Variants in FREM2 observed in about 807,000 individuals in gnomAD.
The protein encoded by FREM2 is FRAS1 related extracellular matrix 2, also known as FRAS1-related extracellular matrix protein 2.
FREM2 carries 119 observed loss-of-function variants against 219.9 expected under a neutral mutation model. The ratio of observed to expected loss-of-function variants is 0.54; its 90% confidence interval spans 0.47 to 0.63. FREM2 has a LOEUF of 0.63. FREM2 is among the 30% of genes least tolerant of loss of function. FREM2 has a pLI of 0.00. For synonymous variants in FREM2, 1,562 were observed against 1,522.8 expected, an observed-to-expected ratio of 1.03 and a Z score of -0.60; for missense variants, 4,030 against 3,993.6, an observed-to-expected ratio of 1.01 and a Z score of -0.25.
intron 2 of FREM2, among the ~76,000 whole-genome samples, chr13:38,723,799 A>G (rs566924019): frequency 6.6e-6 from 1 of 152,210 alleles, no homozygotes; most frequent in Non-Finnish European, 1.5e-5. Flanking sequence ...GAATCTAGGC[A>G]CTGCTCCAAG....
intron 6 of FREM2, among the ~76,000 whole-genome samples, chr13:38,818,567 AG>A (rs1407955521): frequency 1.3e-5 from 2 of 152,138 alleles, no homozygotes; most frequent in Non-Finnish European, 2.9e-5. Flanking sequence ...AGATGGAGAA[AG>A]GTTGATTAAT....
At position 38,687,143 on chromosome 13, in the gene FREM2, G is replaced by A; in HGVS notation, c.-202G>A. On this transcript the variant is annotated 5_prime_UTR_variant, in exon 1 of 24. Coordinates refer to ENST00000280481, the MANE Select transcript of FREM2 (RefSeq NM_207361.6). ...GCGGCGGAGCTGGACGGCCTGGGAA[G>A]GCTTCGGCTCCTCGGCTGCGGCTCC... 1 of 665,242 alleles carries A rather than the reference G, an allele frequency of 1.5e-6. No individual in the cohort carries two copies. The highest frequency in any genetic ancestry group is 2.6e-6 in the Non-Finnish European group (1 of 391,540). 41.2% of individuals were successfully genotyped at this position (665,242 alleles called of 1,614,324 possible). A position where few individuals can be genotyped will look rare whatever the true frequency, so the allele number is the denominator to read the frequency against.
chr13:38,783,482 A>G (rs1348768838), intron 5 of FREM2, among the ~76,000 whole-genome samples: 1 of 151,474 alleles, frequency 6.6e-6, no homozygotes, highest in Non-Finnish European at 1.5e-5. Flanking sequence ...ATAAAAAAAA[A>G]AAAAAAAAAA....
At chr13:38,812,194 T>A (rs1011010768) in intron 6 of FREM2, among the ~76,000 whole-genome samples, 4 of 152,200 alleles carry the variant, frequency 2.6e-5, no homozygotes, top group African/African-American at 9.6e-5. Flanking sequence ...TCTTTATAAG[T>A]GAAGTATGTT....
intron 6 of FREM2, among the ~76,000 whole-genome samples, chr13:38,789,296 T>A (rs948949700): frequency 7.2e-5 from 11 of 151,984 alleles, no homozygotes; most frequent in Non-Finnish European, 1.5e-4. Flanking sequence ...TTAAGTTTTA[T>A]TAATGTATTT....
chr13:38,749,082 G>A (rs142441047), intron 2 of FREM2, among the ~76,000 whole-genome samples: 2 of 152,090 alleles, frequency 1.3e-5, no homozygotes, highest in African/African-American at 4.8e-5. Context: ...TTGTGTTCTC[G>A]GCTCTAACAT....
At chr13:38,852,727 CAG>C (rs1469065985) in intron 11 of FREM2, among the ~76,000 whole-genome samples, 2 of 139,114 alleles carry the variant, frequency 1.4e-5, no homozygotes, top group South Asian at 2.3e-4. Context: ...TTTTTTGAGA[CAG>C]AGTCTCACGC....
intron 2 of FREM2, among the ~76,000 whole-genome samples, chr13:38,763,326 G>A (rs1001828777): frequency 1.3e-5 from 2 of 151,400 alleles, no homozygotes; most frequent in Non-Finnish European, 2.9e-5. Context: ...CTCACTCAGC[G>A]TTTTCCCTTG....
chr13:38,713,826 G>A (rs895432733), intron 2 of FREM2, among the ~76,000 whole-genome samples: 1 of 152,136 alleles, frequency 6.6e-6, no homozygotes, highest in Non-Finnish European at 1.5e-5. Context: ...GTTCTCAACT[G>A]TCCCTTCCCA....
At chr13:38,849,425 GAC>G (rs1289911588) in intron 8 of FREM2, among the ~76,000 whole-genome samples, 2 of 152,040 alleles carry the variant, frequency 1.3e-5, no homozygotes, top group African/African-American at 4.8e-5. Context: ...CCTTCCCCTA[GAC>G]ACTCATCAAA....
At chr13:38,853,774 G>C (rs1285740746) in intron 11 of FREM2, among the ~76,000 whole-genome samples, 2 of 152,160 alleles carry the variant, frequency 1.3e-5, no homozygotes, top group Non-Finnish European at 2.9e-5. Context: ...AAACAAAACT[G>C]ATTAGCTACT....
In FREM2 at chr13:38,794,690, ATC is replaced by A. The variant is rs1352907260; in HGVS notation, c.6019+9884_6019+9885del. ...TAATAAATTGATATCTTGATGTTTT[ATC>A]TGTCATGCATATTGTTTATACATGA... On this transcript the variant is annotated intron_variant, in intron 6 of 23. Coordinates refer to ENST00000280481, the MANE Select transcript of FREM2 (RefSeq NM_207361.6). 3.3e-5 allele frequency among the ~76,000 whole-genome samples: 5 copies of A among 151,960 alleles called. No homozygotes were observed. The South Asian group carries it at 8.3e-4, about 25-fold the overall frequency.
chr13:38,730,593 A>G (rs1871724720), intron 2 of FREM2, among the ~76,000 whole-genome samples: 1 of 152,204 alleles, frequency 6.6e-6, no homozygotes, highest in Non-Finnish European at 1.5e-5. Context: ...AGAAGAAAGT[A>G]AAAATTATAC....
At chr13:38,718,125 T>C (rs1871085023) in intron 2 of FREM2, among the ~76,000 whole-genome samples, 1 of 152,206 alleles carries the variant, frequency 6.6e-6, no homozygotes, top group African/African-American at 2.4e-5. Context: ...GGCTTTGACG[T>C]TTCATAGCAT....
intron 2 of FREM2, among the ~76,000 whole-genome samples, chr13:38,750,123 G>A (rs7992018): frequency 0.06 from 9,056 of 152,100 alleles, 867 homozygotes; most frequent in African/African-American, 0.2. Flanking sequence ...AAATTTATTC[G>A]TCATTTATTT....
At chr13:38,773,747 G>C (rs147017693) in intron 4 of FREM2, among the ~76,000 whole-genome samples, 1 of 152,000 alleles carries the variant, frequency 6.6e-6, no homozygotes, top group Non-Finnish European at 1.5e-5. Context: ...TTTAACATGC[G>C]CATAGAAAGT....
Position 38,690,669 on chromosome 13 carries a change from C to T in FREM2, c.3325C>T (p.Gln1109Ter). 1 of 1,613,896 alleles carries T rather than the reference C, an allele frequency of 6.2e-7. No individual in the cohort carries two copies. Among genetic ancestry groups the T allele is most frequent in the Non-Finnish European group, 8.5e-7 (1 of 1,180,014 alleles). The change falls in exon 1 of 24, where the codon CAG becomes TAG. Residue 1109 changes from glutamine (Q) to a stop codon, truncating the protein, a stop_gained. Coordinates refer to ENST00000280481, the MANE Select transcript of FREM2 (RefSeq NM_207361.6). LOFTEE classifies it high-confidence loss of function. ...TGACATCTTGTGCACTATAGTTATT[C>T]AGCCTACTTCAGGTTATGTTGAAAA... The part of the protein sequence containing the change: ...NDDILCTIVI[Q>*]PTSGYVENIS...
At chr13:38,826,324 G>A (rs191197523) in intron 6 of FREM2, among the ~76,000 whole-genome samples, 4 of 152,210 alleles carry the variant, frequency 2.6e-5, no homozygotes, top group African/African-American at 7.2e-5. Context: ...GATTTCCCCA[G>A]TGTCGGGCAT....
At chr13:38,719,359 T>C (rs1236247906) in intron 2 of FREM2, among the ~76,000 whole-genome samples, 1 of 152,192 alleles carries the variant, frequency 6.6e-6, no homozygotes, top group Non-Finnish European at 1.5e-5. Context: ...TAGCTGAGAT[T>C]ACAGGCATGC....
Sources: gnomAD v4.1 joint callset for allele counts (sites outside exome capture counted in the v4.1 genomes callset) on GRCh38, gnomAD v4.1.1 for gene constraint, MANE v1.5 for transcripts, NCBI Gene and HGNC (gene_info 2026-07-23, HGNC 2026-07-21) for gene names.